DTWD2: variants seen among roughly 807,000 people sequenced by gnomAD.
DTWD2 encodes the protein tRNA-uridine aminocarboxypropyltransferase 2.
A neutral mutation model predicts 31.8 loss-of-function variants in DTWD2; 39 were observed. The observed-to-expected ratio is 1.22, with a 90% CI of 0.95 to 1.60. DTWD2 has a LOEUF of 1.60. Ranked by LOEUF, DTWD2 falls within the 40% of genes most tolerant of loss-of-function variation. The probability of loss-of-function intolerance (pLI) is 0.00; values close to 1 mark genes in which losing one functional copy is unlikely to be tolerated. For missense variants in DTWD2, 515 were observed against 381.5 expected (o/e 1.35, Z -2.92); for synonymous variants, 180 against 142.8 (o/e 1.26, Z -1.86).
chr5:118,879,428 C>T (rs566111806), intron 4 of DTWD2, among the ~76,000 whole-genome samples: 16 of 151,858 alleles, frequency 1.1e-4, no homozygotes, highest in Non-Finnish European at 1.8e-4. Context: ...CTGGCCAGCA[C>T]GGTGAAACCT....
At chr5:118,864,108 T>C (rs1460438214) in intron 4 of DTWD2, among the ~76,000 whole-genome samples, 1 of 70,460 alleles carries the variant, frequency 1.4e-5, no homozygotes, top group Admixed American at 1.3e-4. Flanking sequence ...CTATTCACAA[T>C]AGCAAAGACT....
At chr5:118,880,958 C>A (rs1427176803) in intron 4 of DTWD2, among the ~76,000 whole-genome samples, 4 of 152,150 alleles carry the variant, frequency 2.6e-5, no homozygotes, top group Admixed American at 6.5e-5. Flanking sequence ...ATGCTATCAG[C>A]AAAACGTGTT....
At chr5:118,961,305 A>C (rs1754701153) in intron 1 of DTWD2, among the ~76,000 whole-genome samples, 1 of 152,228 alleles carries the variant, frequency 6.6e-6, no homozygotes, top group African/African-American at 2.4e-5. Flanking sequence ...ATAGAAATAT[A>C]AACAAATATA....
At chr5:118,879,103 G>C (rs1287699964) in intron 4 of DTWD2, among the ~76,000 whole-genome samples, 1 of 152,154 alleles carries the variant, frequency 6.6e-6, no homozygotes, top group Non-Finnish European at 1.5e-5. Context: ...CCTAAAGTCA[G>C]AAATATCATT....
chr5:118,963,728 T>G (rs758077217), intron 1 of DTWD2, among the ~76,000 whole-genome samples: 1 of 152,078 alleles, frequency 6.6e-6, no homozygotes, highest in South Asian at 2.1e-4. Flanking sequence ...AAAGAGTAGT[T>G]TAAATACCAC....
At chr5:118,857,157 T>C (rs947261747) in intron 4 of DTWD2, among the ~76,000 whole-genome samples, 8 of 151,986 alleles carry the variant, frequency 5.3e-5, no homozygotes, top group Non-Finnish European at 8.8e-5. Context: ...AGTTTGAAAA[T>C]TGTAAGCGAT....
intron 4 of DTWD2, among the ~76,000 whole-genome samples, chr5:118,924,032 C>G (rs1485486281): frequency 5.9e-5 from 9 of 152,326 alleles, no homozygotes; most frequent in African/African-American, 2.2e-4. Flanking sequence ...TCAGAAGACA[C>G]AGATTCTGTA....
chr5:118,925,530 G>A (rs1200615097), intron 4 of DTWD2, among the ~76,000 whole-genome samples: 1 of 152,178 alleles, frequency 6.6e-6, no homozygotes, highest in African/African-American at 2.4e-5. Flanking sequence ...AGAACTCATT[G>A]ATAGTATGGA....
intron 4 of DTWD2, among the ~76,000 whole-genome samples, chr5:118,923,468 A>G (rs1211368980): frequency 1.3e-5 from 2 of 152,202 alleles, no homozygotes; most frequent in Non-Finnish European, 2.9e-5. Flanking sequence ...AGCCTCAGAC[A>G]GGCATGTATG....
chr5:118,842,080 C>A (rs1192907716), intron 5 of DTWD2, among the ~76,000 whole-genome samples: 1 of 152,170 alleles, frequency 6.6e-6, no homozygotes, highest in Non-Finnish European at 1.5e-5. Flanking sequence ...CACACTCTCA[C>A]ATCTGTAATC....
rs1217863235 is a variant in DTWD2, at chr5:118,988,309, T to G, written c.203A>C (p.Glu68Ala). The G allele has an allele frequency of 1.3e-6, 2 of 1,525,098 alleles. No homozygotes were observed. Among genetic ancestry groups the G allele is most frequent in the Admixed American group, 4.1e-5 (2 of 48,682 alleles). 94.5% of individuals were successfully genotyped at this position (1,525,098 alleles called of 1,614,324 possible). A position where few individuals can be genotyped will look rare whatever the true frequency, so the allele number is the denominator to read the frequency against. The change falls in exon 1 of 6, where the codon GAG becomes GCG. Residue 68 changes from glutamate (E) to alanine (A), a missense_variant. By Grantham distance (107) the Glu-to-Ala change is moderately radical. Transcript: ENST00000510708. ...CCGCGGTCACCTGCAGCGGGTGCAC[T>G]CAGGCCTCCGCTCGGCCGGCTCCAC... ...LPVEPAERRPECTRCSRPQKV... is the reference protein window; with the variant it reads ...LPVEPAERRPACTRCSRPQKV...
At chr5:118,863,197 C>A (rs556615245) in intron 4 of DTWD2, among the ~76,000 whole-genome samples, 1 of 152,190 alleles carries the variant, frequency 6.6e-6, no homozygotes, top group Non-Finnish European at 1.5e-5. Flanking sequence ...TAACTTTATA[C>A]TTTGTATTCC....
intron 1 of DTWD2, among the ~76,000 whole-genome samples, chr5:118,968,195 G>T (rs1005528046): frequency 6.1e-5 from 9 of 148,554 alleles, no homozygotes; most frequent in African/African-American, 2.2e-4. Context: ...TAACAAAATC[G>T]TGAAAAAAAA....
chr5:118,865,441 T>C (rs772122440), intron 4 of DTWD2, among the ~76,000 whole-genome samples: 1 of 149,396 alleles, frequency 6.7e-6, no homozygotes, highest in Non-Finnish European at 1.5e-5. Context: ...ATGGTCTATG[T>C]AAAAAAAAAA....
At chr5:118,884,549 C>A (rs371281335) in intron 4 of DTWD2, among the ~76,000 whole-genome samples, 1 of 152,218 alleles carries the variant, frequency 6.6e-6, no homozygotes, top group East Asian at 1.9e-4. Context: ...GTACTTTACC[C>A]AACTCAAAAA....
At position 118,952,555 on chromosome 5, in the gene DTWD2, A is replaced by G. The variant is rs574553419; in HGVS notation, c.219-7906T>C. Among the ~76,000 whole-genome samples the G allele has an allele frequency of 8.5e-5, 13 of 152,048 alleles. No individual in the cohort carries two copies. The South Asian group carries it at 2.3e-3, about 27-fold the overall frequency. On this transcript the variant is annotated intron_variant, in intron 1 of 5. Transcript: ENST00000510708. ...ACAAGGTAATGTCATCAGTTAGGGC[A>G]GGAATTGGCCATTTTCACTTCTTTT...
intron 4 of DTWD2, among the ~76,000 whole-genome samples, chr5:118,853,583 T>A (rs112438138): frequency 6.6e-6 from 1 of 152,170 alleles, no homozygotes; most frequent in African/African-American, 2.4e-5. Context: ...AAGAATGAAA[T>A]CATGTCCTTT....
rs78102294 is a variant in DTWD2, at chr5:118,940,299, T to C, written c.310-1009A>G. Among the ~76,000 whole-genome samples, 1,030 of 152,346 alleles carry C rather than the reference T, an allele frequency of 6.8e-3. 21 individuals carry two copies. Among genetic ancestry groups the C allele is most frequent in the African/African-American group, 0.023 (975 of 41,576 alleles). On this transcript the variant is annotated intron_variant, in intron 2 of 5. Coordinates refer to ENST00000510708, the MANE Select transcript of DTWD2 (RefSeq NM_173666.4). Reference sequence around the variant, plus strand: ...GGTGGTTTTAGGACATTTTCCAATGTTTAATACAATGTTCTTCTCTCTTTA... The same window carrying C: ...GGTGGTTTTAGGACATTTTCCAATGCTTAATACAATGTTCTTCTCTCTTTA...
At chr5:118,848,605 G>T (rs2112676164) in intron 4 of DTWD2, among the ~76,000 whole-genome samples, 1 of 152,040 alleles carries the variant, frequency 6.6e-6, no homozygotes, top group East Asian at 1.9e-4. Context: ...AAATAAAAAA[G>T]GCTGCAGCTA....
Sources: allele counts gnomAD v4.1 joint callset (sites outside exome capture counted in the v4.1 genomes callset), GRCh38; gene constraint gnomAD v4.1.1; transcripts MANE v1.5; gene names NCBI Gene and HGNC (gene_info 2026-07-23, HGNC 2026-07-21).